The following SMAD9 variants were observed in gnomAD, a reference collection of about 807,000 sequenced individuals.
The protein encoded by SMAD9 is MAD homolog 9.
SMAD9 carries 36 observed loss-of-function variants against 46.1 expected under a neutral mutation model. That is an observed-to-expected ratio of 0.78 (90% CI 0.60 to 1.03). The LOEUF (loss-of-function observed/expected upper bound fraction) is 1.03, where lower values mean the gene tolerates loss of function less well. Among genes scored for constraint, SMAD9 ranks in the 50% least tolerant of loss-of-function variants. The probability of loss-of-function intolerance (pLI) is 0.00; values close to 1 mark genes in which losing one functional copy is unlikely to be tolerated. For missense variants in SMAD9, 572 were observed against 599.8 expected (o/e 0.95, Z 0.48); for synonymous variants, 245 against 237.1 (o/e 1.03, Z -0.31).
rs552144524 is a variant in SMAD9 at position 36,867,177 on chromosome 13, T to G, written c.781+96A>C. ...AAACACATGCAAAACAGCAGGCCAGTACATTTCTGGTTTTCTTTTTTGAGT... is the reference window on the plus strand; with the variant it reads ...AAACACATGCAAAACAGCAGGCCAGGACATTTCTGGTTTTCTTTTTTGAGT... On this transcript the variant is annotated intron_variant, in intron 4 of 6. Coordinates refer to ENST00000379826, the MANE Select transcript of SMAD9 (RefSeq NM_001127217.3). 3.7e-6 allele frequency: 3 copies of G among 821,626 alleles called. No homozygotes were observed. In the African/African-American group the frequency reaches 5.1e-5, roughly 14 times the overall value. The allele number at this position is 821,626 out of a possible 1,614,324, so 50.9% of individuals were successfully genotyped here.
chr13:36,886,701 T>C (rs2138546599), intron 1 of SMAD9, among the ~76,000 whole-genome samples: 1 of 152,374 alleles, frequency 6.6e-6, no homozygotes, highest in East Asian at 1.9e-4. Flanking sequence ...TGAAATCTTA[T>C]GCAGGAACAA....
intron 3 of SMAD9, among the ~76,000 whole-genome samples, chr13:36,868,679 G>GTGAA (rs1242999329): frequency 6.6e-6 from 1 of 152,084 alleles, no homozygotes. Context: ...GTTACAGTGA[G>GTGAA]CTATGACTGT....
chr13:36,912,022 T>C (rs1566043206), intron 1 of SMAD9, among the ~76,000 whole-genome samples: 1 of 152,158 alleles, frequency 6.6e-6, no homozygotes, highest in East Asian at 1.9e-4. Flanking sequence ...AAGCTCAGAT[T>C]TTTATTTGCT....
Position 36,879,415 on chromosome 13 carries a change from T to A in SMAD9, c.275A>T (p.Tyr92Phe). Residue 92 changes from tyrosine to phenylalanine, a missense_variant, in exon 2 of 7, where the codon TAC becomes TTC. By Grantham distance (22) the Tyr-to-Phe change is conservative. Coordinates refer to ENST00000379826, the MANE Select transcript of SMAD9 (RefSeq NM_001127217.3). ...ATCCGGCCAGCGCCACACGCGACAG[T>A]AAATCACATGGGGCAGGCCCTTGCG... ...SHRKGLPHVI[Y>F]CRVWRWPDLQ... The A allele has an allele frequency of 6.2e-7, 1 of 1,613,970 alleles. No homozygotes were observed. Among genetic ancestry groups the A allele is most frequent in the Admixed American group, 1.7e-5 (1 of 60,024 alleles).
At chr13:36,908,267 T>C (rs2058634027) in intron 1 of SMAD9, among the ~76,000 whole-genome samples, 1 of 152,236 alleles carries the variant, frequency 6.6e-6, no homozygotes, top group Admixed American at 6.5e-5. Flanking sequence ...ATCAGTATTA[T>C]TCAGCTTGAT....
intron 5 of SMAD9, among the ~76,000 whole-genome samples, chr13:36,862,069 G>C (rs1217791137): frequency 6.6e-6 from 1 of 152,112 alleles, no homozygotes; most frequent in African/African-American, 2.4e-5. Flanking sequence ...GCAACAATTT[G>C]AATGGACCCC....
At chr13:36,865,964 A>G (rs1424939730) in intron 4 of SMAD9, among the ~76,000 whole-genome samples, 1 of 152,204 alleles carries the variant, frequency 6.6e-6, no homozygotes, top group Non-Finnish European at 1.5e-5. Flanking sequence ...TGAGATGTAG[A>G]GCCCATGGTC....
At chr13:36,886,401 T>C (rs1482366293) in intron 1 of SMAD9, among the ~76,000 whole-genome samples, 2 of 152,198 alleles carry the variant, frequency 1.3e-5, no homozygotes, top group South Asian at 2.1e-4. Flanking sequence ...ATGGCGGATA[T>C]GTGAGAGAGA....
At chr13:36,888,931 A>C (rs1486530669) in intron 1 of SMAD9, among the ~76,000 whole-genome samples, 1 of 152,128 alleles carries the variant, frequency 6.6e-6, no homozygotes, top group Non-Finnish European at 1.5e-5. Flanking sequence ...TTGCCTTTGG[A>C]AAGGGAACAT....
intron 3 of SMAD9, among the ~76,000 whole-genome samples, chr13:36,868,279 T>C (rs1299702952): frequency 6.6e-6 from 1 of 152,250 alleles, no homozygotes; most frequent in Non-Finnish European, 1.5e-5. Context: ...CATTTTAACA[T>C]GCCCCAATGG....
intron 5 of SMAD9, among the ~76,000 whole-genome samples, chr13:36,856,891 C>T (rs2138316053): frequency 6.6e-6 from 1 of 150,988 alleles, no homozygotes; most frequent in African/African-American, 2.4e-5. Context: ...CAACCTCTGC[C>T]TCCCGGGTTC....
intron 5 of SMAD9, among the ~76,000 whole-genome samples, chr13:36,863,247 A>G (rs1593563094): frequency 1.3e-5 from 2 of 152,198 alleles, no homozygotes; most frequent in Admixed American, 1.3e-4. Flanking sequence ...TCCCAAGCCA[A>G]CACTTTTTTC....
intron 1 of SMAD9, among the ~76,000 whole-genome samples, chr13:36,896,552 C>T (rs886735132): frequency 6.6e-6 from 1 of 152,110 alleles, no homozygotes; most frequent in African/African-American, 2.4e-5. Flanking sequence ...CATATCTGAT[C>T]CTACCATTCT....
At chr13:36,892,963 A>G (rs1211332758) in intron 1 of SMAD9, among the ~76,000 whole-genome samples, 1 of 151,892 alleles carries the variant, frequency 6.6e-6, no homozygotes, top group Non-Finnish European at 1.5e-5. Flanking sequence ...ATATCTTCAT[A>G]TAATTTACTA....
At chr13:36,906,234 T>G (rs2058619304) in intron 1 of SMAD9, among the ~76,000 whole-genome samples, 1 of 152,196 alleles carries the variant, frequency 6.6e-6, no homozygotes, top group Non-Finnish European at 1.5e-5. Context: ...CTAACCATGA[T>G]TTATTTAAAA....
chr13:36,885,053 T>C (rs2058433780), intron 1 of SMAD9, among the ~76,000 whole-genome samples: 1 of 152,218 alleles, frequency 6.6e-6, no homozygotes, highest in South Asian at 2.1e-4. Flanking sequence ...CGCTAATCCA[T>C]GACCAGCATT....
At chr13:36,851,944 T>C in intron 6 of SMAD9, 1 of 978,730 alleles carries the variant, frequency 1.0e-6, no homozygotes, top group Non-Finnish European at 1.2e-6. Flanking sequence ...TGGCATTTCA[T>C]CCTAATTTTA....
intron 1 of SMAD9, among the ~76,000 whole-genome samples, chr13:36,910,153 C>T (rs1047221824): frequency 2.0e-5 from 3 of 151,384 alleles, no homozygotes; most frequent in East Asian, 2.0e-4. Context: ...GCCGAGATCG[C>T]GCCACTGTAC....
chr13:36,888,682 C>A (rs1171866481), intron 1 of SMAD9, among the ~76,000 whole-genome samples: 1 of 152,122 alleles, frequency 6.6e-6, no homozygotes, highest in African/African-American at 2.4e-5. Context: ...GTAGGCGGTG[C>A]TCTCAAGTGG....
Sources: allele counts gnomAD v4.1 joint callset (sites outside exome capture counted in the v4.1 genomes callset), GRCh38; gene constraint gnomAD v4.1.1; transcripts MANE v1.5; gene names NCBI Gene and HGNC (gene_info 2026-07-23, HGNC 2026-07-21).